GALK2: variants seen among roughly 807,000 people sequenced by gnomAD.
GALK2 encodes galactokinase 2, also known as N-acetylgalactosamine kinase.
GALK2 carries 36 observed loss-of-function variants against 52.4 expected under a neutral mutation model. The ratio of observed to expected loss-of-function variants is 0.69; its 90% CI spans 0.53 to 0.91. The LOEUF (loss-of-function observed/expected upper bound fraction) is 0.91. Among genes scored for constraint, GALK2 ranks in the 40% least tolerant of loss-of-function variants. The pLI is 0.00. For synonymous variants in GALK2, 176 were observed against 199.1 expected (o/e 0.88, Z 0.98); for missense variants, 579 against 559.1 (o/e 1.04, Z -0.36).
At chr15:49,325,525 A>G (rs1003064848) in intron 9 of GALK2, among the ~76,000 whole-genome samples, 45 of 152,230 alleles carry the variant, frequency 3.0e-4, no homozygotes, top group African/African-American at 1.1e-3. Flanking sequence ...CGGTCTTCTC[A>G]GAATTTCTAT....
chr15:49,262,579 T>C (rs1444683995), intron 5 of GALK2, among the ~76,000 whole-genome samples: 6 of 152,200 alleles, frequency 3.9e-5, no homozygotes, highest in African/African-American at 1.2e-4. Flanking sequence ...TCAGTTCTGC[T>C]CTGATTTTAG....
chr15:49,186,542 C>CT (rs71299506), intron 1 of GALK2, among the ~76,000 whole-genome samples: 20,371 of 131,012 alleles, frequency 0.16, 2,640 homozygotes, highest in African/African-American at 0.33. Flanking sequence ...GAATTTTTTT[C>CT]TTTTTTTTTT....
In GALK2 at chr15:49,170,394, C is replaced by T. The variant is rs746284327; in HGVS notation, c.53+19C>T. The T allele has an allele frequency of 1.1e-4, 174 of 1,576,584 alleles. No homozygotes were observed. The highest frequency in any genetic ancestry group is 1.4e-4 in the Non-Finnish European group (165 of 1,161,660). On this transcript the variant is annotated intron_variant, in intron 1 of 9. Transcript: ENST00000560031. ...ATCCTAGGTGGGGGAGAGGAGACGCCGGGCTTTGGGATCTGCTGGGTTGGC... is the reference window on the plus strand; with the variant it reads ...ATCCTAGGTGGGGGAGAGGAGACGCTGGGCTTTGGGATCTGCTGGGTTGGC...
chr15:49,338,069 G>A lies in GALK2; in HGVS notation c.426+18264G>A, dbSNP rs186306586. Among the ~76,000 whole-genome samples, 96 of 152,288 alleles carry A rather than the reference G, an allele frequency of 6.3e-4. No individual in the cohort carries two copies. The Middle Eastern group carries it at 0.01, about 16-fold the overall frequency. ...GGTATTTCTCATTCTAGAGCCTTGA[G>A]GAATTGCCACATTGTCTTCCATTGT... On this transcript the variant is annotated intron_variant, in intron 3 of 3. Coordinates refer to the GALK2 transcript ENST00000558399.
chr15:49,318,314 A>G (rs2036588873), intron 8 of GALK2: 1 of 152,236 alleles, frequency 6.6e-6, no homozygotes, highest in African/African-American at 2.4e-5. Context: ...GAAAATACAT[A>G]TATGTGTCAA....
At position 49,319,618 on chromosome 15, in the gene GALK2, C is replaced by T. The variant is rs374431370; in HGVS notation, c.982C>T (p.Leu328Phe). Reference protein sequence around the residue: ...PNTQDVLIFKLYQRAKHVYSE... With the variant: ...PNTQDVLIFKFYQRAKHVYSE... The stretch of plus-strand genomic sequence containing the variant: ...TCCTTCCTCAGTGCTCATCTTCAAA[C>T]TCTATCAGCGGGCAAAGCATGTGTA... The change falls in exon 9 of 10, where the codon CTC becomes TTC. Residue 328 changes from leucine to phenylalanine, a missense_variant. Physicochemically the swap from Leu to Phe is conservative, Grantham distance 22. Transcript: ENST00000560031. 1.9e-6 allele frequency: 3 copies of T among 1,614,056 alleles called. No homozygotes were observed. The highest frequency in any genetic ancestry group is 2.5e-6 in the Non-Finnish European group (3 of 1,180,038).
chr15:49,354,056 T>C (rs1170959750), intron 3 of GALK2: 1 of 152,220 alleles, frequency 6.6e-6, no homozygotes, highest in South Asian at 2.1e-4. Context: ...GAGTTCTTTT[T>C]TTCACTGTTG....
chr15:49,315,362 C>T (rs1368282437), intron 8 of GALK2, among the ~76,000 whole-genome samples: 2 of 152,164 alleles, frequency 1.3e-5, no homozygotes, highest in African/African-American at 2.4e-5. Flanking sequence ...CCAAGGATTA[C>T]AAGAGCTTAT....
intron 5 of GALK2, among the ~76,000 whole-genome samples, chr15:49,272,768 A>G: frequency 6.6e-6 from 1 of 152,152 alleles, no homozygotes; most frequent in Non-Finnish European, 1.5e-5. Context: ...GAAGAAACCT[A>G]TCATAGACAT....
chr15:49,173,072 C>T (rs995998042), intron 1 of GALK2, among the ~76,000 whole-genome samples: 14 of 152,188 alleles, frequency 9.2e-5, no homozygotes, highest in African/African-American at 3.1e-4. Flanking sequence ...CCTTTCCCCT[C>T]ACCTAGCCTT....
intron 1 of GALK2, among the ~76,000 whole-genome samples, chr15:49,185,316 T>G (rs1053336947): frequency 6.6e-6 from 1 of 152,222 alleles, no homozygotes; most frequent in African/African-American, 2.4e-5. Flanking sequence ...GTATTACTCT[T>G]TTTTATGGCT....
chr15:49,158,206 A>G (rs2084523414), intron 1 of GALK2, among the ~76,000 whole-genome samples: 1 of 152,200 alleles, frequency 6.6e-6, no homozygotes, highest in South Asian at 2.1e-4. Context: ...CTGAGGGAAG[A>G]TAGGCATCAC....
At chr15:49,274,847 C>A (rs1595920939) in intron 5 of GALK2, among the ~76,000 whole-genome samples, 1 of 152,086 alleles carries the variant, frequency 6.6e-6, no homozygotes, top group African/African-American at 2.4e-5. Context: ...TCCACCTCCA[C>A]CTCTTGTCCT....
chr15:49,332,139 T>C (rs1335032157), downstream of GALK2, among the ~76,000 whole-genome samples: 1 of 149,414 alleles, frequency 6.7e-6, no homozygotes, highest in African/African-American at 2.4e-5. Context: ...GTCATACACT[T>C]AGCAAGGAGA....
chr15:49,337,498 C>T (rs1291682049), intron 3 of GALK2, among the ~76,000 whole-genome samples: 8 of 31,938 alleles, frequency 2.5e-4, no homozygotes, highest in Non-Finnish European at 5.6e-4. Context: ...CTGTTCATAT[C>T]ATTTACCCAC....
At chr15:49,299,468 G>A (rs905308251) in intron 8 of GALK2, among the ~76,000 whole-genome samples, 11 of 151,960 alleles carry the variant, frequency 7.2e-5, no homozygotes, top group African/African-American at 2.2e-4. Context: ...GTTCCTTTAG[G>A]TGTGATGTTT....
chr15:49,337,596 T>TACATGTGCCATGGTGGTTTGCTGCAC (rs1415600900), intron 3 of GALK2, among the ~76,000 whole-genome samples: 16 of 146,262 alleles, frequency 1.1e-4, no homozygotes, highest in Admixed American at 2.8e-4. Context: ...TACATAGGTA[T>TACATGTGCCATGGTGGTTTGCTGCAC]ACATGTGCCA....
chr15:49,327,776 AATCACTCTCTGAAACAGT>A (rs2037777269), intron 9 of GALK2, 158 bp from the exon 10 acceptor site: 2 of 535,136 alleles, frequency 3.7e-6, no homozygotes, highest in African/African-American at 3.9e-5. Context: ...AAAAATTCCA[AATCACTCTCTGAAACAGT>A]ATAAATGTCT....
chr15:49,186,281 G>T (rs947194554), intron 1 of GALK2, among the ~76,000 whole-genome samples: 1 of 151,692 alleles, frequency 6.6e-6, no homozygotes, highest in Non-Finnish European at 1.5e-5. Flanking sequence ...GTAACTTGTC[G>T]GCATGCTATA....
Sources: gnomAD v4.1 joint callset for allele counts (sites outside exome capture counted in the v4.1 genomes callset) on GRCh38, gnomAD v4.1.1 for gene constraint, MANE v1.5 for transcripts, NCBI Gene and HGNC (gene_info 2026-07-23, HGNC 2026-07-21) for gene names.